The following OAF variants were observed in gnomAD, a reference collection of about 807,000 sequenced individuals.
The protein encoded by OAF is out at first protein homolog.
In OAF, 13 loss-of-function variants were observed where a neutral mutation model predicts 22.5. The ratio of observed to expected loss-of-function variants is 0.58; its 90% CI spans 0.38 to 0.92. OAF has a LOEUF of 0.92. Ranked by LOEUF, OAF falls within the 40% of genes least tolerant of loss-of-function variation. OAF has a pLI of 0.00. For synonymous variants in OAF, 175 were observed against 170.5 expected, an observed-to-expected ratio of 1.03 and a Z score of -0.21; for missense variants, 347 against 381.8, an observed-to-expected ratio of 0.91 and a Z score of 0.76.
At position 120,211,522 on chromosome 11, in the gene OAF, T is replaced by C; in HGVS notation, c.231+12T>C. ...CCGACTTCAAGAAGGTGAGGCGCCC[T>C]CACTCGCCGGGGTGGCACCTTCAAG... On this transcript the variant is annotated intron_variant, in intron 1 of 3. Transcript: ENST00000328965. The C allele has an allele frequency of 7.0e-7, 1 of 1,434,924 alleles. No homozygotes were observed. Among genetic ancestry groups the C allele is most frequent in the Non-Finnish European group, 9.2e-7 (1 of 1,084,794 alleles). 88.9% of individuals were successfully genotyped at this position (1,434,924 alleles called of 1,614,324 possible).
Position 120,229,375 on chromosome 11 carries a change from G to T in OAF, c.*233G>T. 2.4e-6 allele frequency: 1 copy of T among 409,966 alleles called. No individual in the cohort carries two copies. Among genetic ancestry groups the T allele is most frequent in the African/African-American group, 3.3e-5 (1 of 30,298 alleles). The allele number at this position is 409,966 out of a possible 1,614,324, so 25.4% of individuals were successfully genotyped here. A position where few individuals can be genotyped will look rare whatever the true frequency, so the allele number is the denominator to read the frequency against. The stretch of plus-strand genomic sequence containing the variant: ...CTGTGCCTTCCTTGCGGGCAGAGAG[G>T]GAGAGAAGGGCTCCCCAGATCTACA... On this transcript the variant is annotated 3_prime_UTR_variant, in exon 4 of 4. Coordinates refer to ENST00000328965, the MANE Select transcript of OAF (RefSeq NM_178507.4).
chr11:120,220,760 A>G (rs1160271120), intron 1 of OAF, among the ~76,000 whole-genome samples: 1 of 152,224 alleles, frequency 6.6e-6, no homozygotes, highest in African/African-American at 2.4e-5. Flanking sequence ...GTGACACAGC[A>G]TCGCTCATTC....
intron 1 of OAF, among the ~76,000 whole-genome samples, chr11:120,223,935 A>AATATGCTACAGGC (rs1239830871): frequency 1.3e-5 from 2 of 152,200 alleles, no homozygotes; most frequent in East Asian, 3.8e-4. Context: ...CCCAGAATGG[A>AATATGCTACAGGC]ATATGCTACA....
chr11:120,215,308 C>T (rs983309001), intron 1 of OAF, among the ~76,000 whole-genome samples: 3 of 152,180 alleles, frequency 2.0e-5, no homozygotes, highest in African/African-American at 7.2e-5. Context: ...GAGCCTGGAT[C>T]GCGCCACTGC....
Position 120,211,469 on chromosome 11 carries a change from C to T in OAF, c.190C>T (p.Pro64Ser), listed in dbSNP as rs776429214. 38 of 1,511,320 alleles carry T rather than the reference C, an allele frequency of 2.5e-5. No homozygotes were observed. Among genetic ancestry groups the T allele is most frequent in the Non-Finnish European group, 4.4e-6 (5 of 1,126,122 alleles). 93.6% of individuals were successfully genotyped at this position (1,511,320 alleles called of 1,614,324 possible). A position where few individuals can be genotyped will look rare whatever the true frequency, so the allele number is the denominator to read the frequency against. Residue 64 changes from proline (P) to serine (S), a missense_variant, in exon 1 of 4, where the codon CCC (proline) becomes TCC (serine). Coordinates refer to ENST00000328965, the MANE Select transcript of OAF (RefSeq NM_178507.4). ...CAGCATCAGCCTCGAGCTGCGCAAGCCCGACGGCACCCTCGTCTCCTTCAC... is the reference window on the plus strand; with the variant it reads ...CAGCATCAGCCTCGAGCTGCGCAAGTCCGACGGCACCCTCGTCTCCTTCAC... Reference protein sequence around the residue: ...ADSISLELRKPDGTLVSFTAD... With the variant: ...ADSISLELRKSDGTLVSFTAD...
intron 2 of OAF, among the ~76,000 whole-genome samples, chr11:120,226,360 C>A (rs1436771534): frequency 3.3e-5 from 5 of 152,272 alleles, no homozygotes; most frequent in African/African-American, 1.2e-4. Flanking sequence ...CAGGGCCTTG[C>A]CCCAGCCTCA....
chr11:120,225,348 G>T (rs1188157995), intron 1 of OAF, among the ~76,000 whole-genome samples: 1 of 152,106 alleles, frequency 6.6e-6, no homozygotes, highest in Non-Finnish European at 1.5e-5. Context: ...CTGATCAGGT[G>T]CCTGTAGAGG....
intron 3 of OAF, among the ~76,000 whole-genome samples, chr11:120,228,003 T>G (rs1039496450): frequency 5.9e-5 from 9 of 151,572 alleles, no homozygotes; most frequent in African/African-American, 2.2e-4. Context: ...TCCCATTTGA[T>G]CCAAGCCCTG....
At chr11:120,222,608 T>C (rs182396583) in intron 1 of OAF, among the ~76,000 whole-genome samples, 7 of 150,164 alleles carry the variant, frequency 4.7e-5, no homozygotes, top group Admixed American at 2.6e-4. Context: ...CCGGAGAATT[T>C]GTAGTTTAAA....
intron 2 of OAF, 66 bp downstream of exon 2, chr11:120,225,861 TC>T (rs2135097479): frequency 1.4e-6 from 2 of 1,456,424 alleles, no homozygotes; most frequent in East Asian, 2.5e-5. Context: ...CCAGATCCCA[TC>T]CCGCAGACCC....
At chr11:120,212,829 G>A (rs1003976929) in intron 1 of OAF, among the ~76,000 whole-genome samples, 5 of 147,536 alleles carry the variant, frequency 3.4e-5, no homozygotes, top group African/African-American at 1.2e-4. Flanking sequence ...CAGGCAGATG[G>A]GGGGTGGGGT....
At position 120,225,649 on chromosome 11, in the gene OAF, G is replaced by A. The variant is rs1456745766; in HGVS notation, c.232-12G>A. The stretch of plus-strand genomic sequence containing the variant: ...ACCCTCCAGCCGTTCCCATCCTCCT[G>A]CCCTTCTTCAGGATGTGAAGGTCTT... On this transcript the variant is annotated splice_polypyrimidine_tract_variant and intron_variant, in intron 1 of 3. Coordinates refer to ENST00000328965, the MANE Select transcript of OAF (RefSeq NM_178507.4). The A allele has an allele frequency of 6.3e-7, 1 of 1,584,330 alleles. No homozygotes were observed. Among genetic ancestry groups the A allele is most frequent in the Non-Finnish European group, 8.6e-7 (1 of 1,166,356 alleles).
intron 1 of OAF, among the ~76,000 whole-genome samples, chr11:120,220,134 G>A (rs181214830): frequency 1.3e-5 from 2 of 152,218 alleles, no homozygotes; most frequent in Non-Finnish European, 2.9e-5. Context: ...TCTGACTGGG[G>A]CACTGAGATC....
chr11:120,227,100 A>C (rs1400179502), intron 3 of OAF, 104 bp downstream of exon 3: 92 of 722,218 alleles, frequency 1.3e-4, no homozygotes, highest in Non-Finnish European at 1.6e-4. Flanking sequence ...GTTGAGTCTC[A>C]TCATTAGCCA....
At chr11:120,220,108 A>G (rs1938261499) in intron 1 of OAF, among the ~76,000 whole-genome samples, 2 of 152,316 alleles carry the variant, frequency 1.3e-5, no homozygotes, top group African/African-American at 4.8e-5. Context: ...AAGGTGCTCC[A>G]TGAGGACAGA....
Position 120,229,391 on chromosome 11 carries a change from C to CT in OAF, c.*249_*250insT. The CT allele has an allele frequency of 2.9e-6, 1 of 343,316 alleles. No individual in the cohort carries two copies. The highest frequency in any genetic ancestry group is 2.7e-5 in the South Asian group (1 of 37,312). 21.3% of individuals were successfully genotyped at this position (343,316 alleles called of 1,614,324 possible). On this transcript the variant is annotated 3_prime_UTR_variant, in exon 4 of 4. Coordinates refer to ENST00000328965, the MANE Select transcript of OAF (RefSeq NM_178507.4). ...GGCAGAGAGGGAGAGAAGGGCTCCC[C>CT]AGATCTACACCCCTCCCTCCTGCAT...
intron 1 of OAF, among the ~76,000 whole-genome samples, chr11:120,221,778 G>T (rs1024600813): frequency 6.6e-6 from 1 of 152,134 alleles, no homozygotes; most frequent in Non-Finnish European, 1.5e-5. Flanking sequence ...CACCCTCTGC[G>T]TGGCCCAGAT....
intron 1 of OAF, among the ~76,000 whole-genome samples, chr11:120,222,945 G>C (rs1399317746): frequency 6.6e-6 from 1 of 151,134 alleles, no homozygotes; most frequent in Non-Finnish European, 1.5e-5. Flanking sequence ...AAAAAAAGAA[G>C]TCCTGGCAGG....
At chr11:120,218,903 A>T (rs1285634269) in intron 1 of OAF, among the ~76,000 whole-genome samples, 1 of 152,080 alleles carries the variant, frequency 6.6e-6, no homozygotes, top group African/African-American at 2.4e-5. Flanking sequence ...ATGGGAAGGC[A>T]GGGTGCCAGA....
Sources: allele counts gnomAD v4.1 joint callset (sites outside exome capture counted in the v4.1 genomes callset), GRCh38; gene constraint gnomAD v4.1.1; transcripts MANE v1.5; gene names NCBI Gene and HGNC (gene_info 2026-07-23, HGNC 2026-07-21).